ECT2L: variants seen among roughly 807,000 people sequenced by gnomAD.
The protein encoded by ECT2L is epithelial cell-transforming sequence 2 oncogene-like.
Under a neutral mutation model 122.8 loss-of-function variants are expected in ECT2L, and 126 were observed. The observed-to-expected ratio is 1.03, with a 90% confidence interval of 0.89 to 1.19. The LOEUF is 1.19. ECT2L is among the 50% of genes most tolerant of loss of function. The pLI, the probability that ECT2L is intolerant of heterozygous loss-of-function variation, is 0.00. For synonymous variants in ECT2L, 385 were observed against 381.8 expected (o/e 1.01, Z -0.10); for missense variants, 1,012 against 1,064.1 (o/e 0.95, Z 0.68).
At chr6:138,847,354 ACTTTTTTT>A in intron 8 of ECT2L, among the ~76,000 whole-genome samples, 1 of 111,064 alleles carries the variant, frequency 9.0e-6, no homozygotes, top group African/African-American at 4.0e-5. Flanking sequence ...AAAGGCCCAA[ACTTTTTTT>A]TTTTTTTTTT....
chr6:138,807,359 G>T (rs1306088960), intron 1 of ECT2L, among the ~76,000 whole-genome samples: 1 of 152,134 alleles, frequency 6.6e-6, no homozygotes, highest in Non-Finnish European at 1.5e-5. Context: ...ACAGCTAAAG[G>T]AGCCAATCAG....
chr6:138,855,973 C>G (rs1264624511), intron 10 of ECT2L, among the ~76,000 whole-genome samples: 1 of 152,114 alleles, frequency 6.6e-6, no homozygotes, highest in East Asian at 1.9e-4. Context: ...TAATGACACT[C>G]AAAAAATAGG....
chr6:138,825,169 C>T (rs1400420948), intron 4 of ECT2L, among the ~76,000 whole-genome samples: 1 of 152,168 alleles, frequency 6.6e-6, no homozygotes, highest in East Asian at 1.9e-4. Flanking sequence ...GAGTAGGAGT[C>T]AGACAAGCAA....
chr6:138,888,317 C>CT (rs71270363), intron 19 of ECT2L, among the ~76,000 whole-genome samples: 23,661 of 128,474 alleles, frequency 0.18, 2,417 homozygotes, highest in South Asian at 0.35. Flanking sequence ...TTTTTCTTTT[C>CT]TTTTTTTTTT....
At chr6:138,831,982 A>G (rs887607943) in intron 4 of ECT2L, among the ~76,000 whole-genome samples, 1 of 152,036 alleles carries the variant, frequency 6.6e-6, no homozygotes, top group Non-Finnish European at 1.5e-5. Flanking sequence ...GCTGCATGAA[A>G]CTCTCCTATG....
At chr6:138,797,902 A>G (rs987535409) in intron 1 of ECT2L, among the ~76,000 whole-genome samples, 30 of 152,216 alleles carry the variant, frequency 2.0e-4, no homozygotes, top group African/African-American at 7.2e-4. Flanking sequence ...GGTTGTGACT[A>G]TATGTTGTTT....
intron 4 of ECT2L, among the ~76,000 whole-genome samples, chr6:138,835,721 A>C (rs148322527): frequency 6.6e-6 from 1 of 152,250 alleles, no homozygotes; most frequent in East Asian, 1.9e-4. Flanking sequence ...ATCAAAGTAC[A>C]TCCAGCATTA....
chr6:138,896,091 A>AGTTTTTTTTTTTT (rs1255944186), intron 20 of ECT2L, among the ~76,000 whole-genome samples: 1 of 141,964 alleles, frequency 7.0e-6, no homozygotes, highest in African/African-American at 2.8e-5. Flanking sequence ...TTCATTGCTG[A>AGTTTTTTTTTTTT]ATTTTTTTTT....
chr6:138,889,320 T>C (rs761275233), intron 20 of ECT2L, among the ~76,000 whole-genome samples: 1 of 152,034 alleles, frequency 6.6e-6, no homozygotes, highest in Non-Finnish European at 1.5e-5. Context: ...TCACTTTTCT[T>C]TTTTCTTTTT....
At chr6:138,824,521 C>A (rs1583559565) in intron 4 of ECT2L, among the ~76,000 whole-genome samples, 2 of 125,762 alleles carry the variant, frequency 1.6e-5, no homozygotes, top group Non-Finnish European at 1.7e-5. Context: ...TTATAAAATC[C>A]ACCTCCTCCA....
chr6:138,867,027 T>G (rs1485475270), intron 12 of ECT2L, among the ~76,000 whole-genome samples: 1 of 151,800 alleles, frequency 6.6e-6, no homozygotes, highest in East Asian at 1.9e-4. Flanking sequence ...TGAGCTGAGA[T>G]CGCGTCACTG....
At chr6:138,803,060 CAG>C (rs1026792664) in intron 1 of ECT2L, among the ~76,000 whole-genome samples, 4 of 136,448 alleles carry the variant, frequency 2.9e-5, no homozygotes, top group African/African-American at 9.1e-5. Context: ...CTGGGCGACA[CAG>C]AGAGAGACTG....
At chr6:138,819,888 C>CA (rs550933634) in intron 4 of ECT2L, among the ~76,000 whole-genome samples, 4,845 of 141,716 alleles carry the variant, frequency 0.034, 77 homozygotes, top group African/African-American at 0.038. Context: ...CTTCATGTAC[C>CA]AAAAAAAAAA....
intron 8 of ECT2L, 42 bp from the exon 9 acceptor site, chr6:138,849,227 A>G: frequency 6.8e-7 from 1 of 1,468,122 alleles, no homozygotes; most frequent in Non-Finnish European, 9.0e-7. Flanking sequence ...ATATTCTAAA[A>G]TAGTGGGTCT....
Position 138,878,729 on chromosome 6 carries a change from G to A in ECT2L, c.1665+2171G>A, listed in dbSNP as rs537115707. On this transcript the variant is annotated intron_variant, in intron 14 of 21. Coordinates refer to ENST00000541398, the MANE Select transcript of ECT2L (RefSeq NM_001077706.3). ...CCCAAGGTGCTGGGATTACAGGCAT[G>A]AGCCACCGCACGTGGCCAAGGAGGT... is the stretch of plus-strand genomic sequence containing the variant. 9.8e-5 allele frequency among the ~76,000 whole-genome samples: 15 copies of A among 152,328 alleles called. No homozygotes were observed. The East Asian group carries it at 2.7e-3, about 27-fold the overall frequency.
intron 4 of ECT2L, among the ~76,000 whole-genome samples, chr6:138,818,215 G>A (rs1776134546): frequency 6.6e-6 from 1 of 152,174 alleles, no homozygotes. Flanking sequence ...GCGTGTGCGT[G>A]TGAGATCATA....
At chr6:138,840,524 C>A (rs547707224) in intron 5 of ECT2L, among the ~76,000 whole-genome samples, 1 of 152,194 alleles carries the variant, frequency 6.6e-6, no homozygotes, top group Non-Finnish European at 1.5e-5. Context: ...CTAAAAATAT[C>A]TATTTCATCT....
intron 16 of ECT2L, among the ~76,000 whole-genome samples, chr6:138,883,560 G>A (rs1778712846): frequency 6.6e-6 from 1 of 152,184 alleles, no homozygotes; most frequent in Admixed American, 6.5e-5. Flanking sequence ...CTGAGGCCCT[G>A]CAGGAAAGGC....
intron 5 of ECT2L, among the ~76,000 whole-genome samples, chr6:138,840,242 G>A (rs1776991146): frequency 6.6e-6 from 1 of 152,036 alleles, no homozygotes; most frequent in East Asian, 1.9e-4. Context: ...GCTGTCTTGG[G>A]GGTGGCAGAG....
Sources: allele counts gnomAD v4.1 joint callset (sites outside exome capture counted in the v4.1 genomes callset), GRCh38; gene constraint gnomAD v4.1.1; transcripts MANE v1.5; gene names NCBI Gene and HGNC (gene_info 2026-07-23, HGNC 2026-07-21).